Variants in ERCC1 observed in about 807,000 individuals in gnomAD.
The protein encoded by ERCC1 is DNA excision repair protein ERCC-1.
In ERCC1, 36 loss-of-function variants were observed where a neutral mutation model predicts 37.6. That is an observed-to-expected ratio of 0.96 (90% CI 0.73 to 1.26). The LOEUF is 1.26. ERCC1 is among the 50% of genes most tolerant of loss of function. The pLI is 0.00. For missense variants in ERCC1, 349 were observed against 376.5 expected, an observed-to-expected ratio of 0.93 and a Z score of 0.60; for synonymous variants, 156 against 162.1, an observed-to-expected ratio of 0.96 and a Z score of 0.28.
upstream of ERCC1, among the ~76,000 whole-genome samples, chr19:45,425,024 C>G (rs559861887): frequency 4.1e-5 from 6 of 147,870 alleles, no homozygotes; most frequent in East Asian, 1.2e-3. Context: ...CGGGTTCAAG[C>G]GATTCTCCTG....
intron 1 of ERCC1, among the ~76,000 whole-genome samples, chr19:45,429,370 G>A (rs1214683571): frequency 6.6e-6 from 1 of 152,168 alleles, no homozygotes; most frequent in African/African-American, 2.4e-5. Flanking sequence ...TGAGGCAGGA[G>A]AATCGCTTGA....
chr19:45,445,124 C>T (rs1966902360), intron 1 of ERCC1, among the ~76,000 whole-genome samples: 1 of 152,180 alleles, frequency 6.6e-6, no homozygotes, highest in African/African-American at 2.4e-5. Flanking sequence ...TCAAGCAATT[C>T]TCCTGCCTCA....
rs1482664125 is a variant in ERCC1 at position 45,421,195 on chromosome 19, T to C, written c.304A>G (p.Ile102Val). 1.9e-6 allele frequency: 3 copies of C among 1,614,120 alleles called. No homozygotes were observed. The highest frequency in any genetic ancestry group is 2.5e-6 in the Non-Finnish European group (3 of 1,179,994). The change falls in exon 3 of 10, where the codon ATT becomes GTT. Residue 102 changes from isoleucine to valine, a missense_variant. Transcript: ENST00000300853. ...LKPGAKSNSIIVSPRQRGNPV... is the reference protein window; with the variant it reads ...LKPGAKSNSIVVSPRQRGNPV... ...CTCCTCACCTGCCGAGGGCTCACAA[T>C]GATGCTGTTGGATTTTGCCCCGGGT...
In ERCC1 at chr19:45,409,465, C is replaced by A; in HGVS notation, c.*210G>T. On this transcript the variant is annotated 3_prime_UTR_variant, in exon 10 of 10. Transcript: ENST00000300853. ...GGGAGGAGGCTCCCACAGGCCGGGA[C>A]AAGAAGCGGAAGCAGCAGCAGCAGC... The A allele has an allele frequency of 3.7e-6, 6 of 1,612,218 alleles. No individual in the cohort carries two copies. Among genetic ancestry groups the A allele is most frequent in the Non-Finnish European group, 4.2e-6 (5 of 1,179,666 alleles).
upstream of ERCC1, among the ~76,000 whole-genome samples, chr19:45,427,484 G>A (rs556218165): frequency 3.3e-5 from 5 of 152,054 alleles, no homozygotes; most frequent in African/African-American, 7.2e-5. Flanking sequence ...GCGTGGTGGC[G>A]GACGCCTGTA....
chr19:45,421,408 G>C lies in ERCC1; in HGVS notation c.106-15C>G. ...AAGGGCTTGGCCTGTGGGGAGAAAG[G>C]GAGTTTGCAGGGGACTGGTTGGGGT... On this transcript the variant is annotated splice_polypyrimidine_tract_variant and intron_variant, in intron 2 of 9. Transcript: ENST00000300853. 1 of 1,581,372 alleles carries C rather than the reference G, an allele frequency of 6.3e-7. No homozygotes were observed. Among genetic ancestry groups the C allele is most frequent in the Non-Finnish European group, 8.6e-7 (1 of 1,156,494 alleles).
chr19:45,433,688 TAAA>T (rs529620736), intron 1 of ERCC1, among the ~76,000 whole-genome samples: 1 of 133,266 alleles, frequency 7.5e-6, no homozygotes, highest in Non-Finnish European at 1.6e-5. Context: ...ACTCTGTCTT[TAAA>T]AAAAAAAAAA....
At chr19:45,436,491 TG>T (rs1974980992) in intron 1 of ERCC1, among the ~76,000 whole-genome samples, 1 of 152,012 alleles carries the variant, frequency 6.6e-6, no homozygotes, top group African/African-American at 2.4e-5. Flanking sequence ...CCGGGCATGG[TG>T]GCGGGCGCCT....
At position 45,423,810 on chromosome 19, in the gene ERCC1, C is replaced by T; in HGVS notation, c.-37G>A. The T allele has an allele frequency of 3.6e-6, 4 of 1,126,132 alleles. No individual in the cohort carries two copies. The highest frequency in any genetic ancestry group is 4.4e-6 in the Non-Finnish European group (4 of 912,766). 69.8% of individuals were successfully genotyped at this position (1,126,132 alleles called of 1,614,324 possible). ...GGTCCGGGCCTCACGGTTTCAGCGC[C>T]GCGAGGCCTCACCTGCTGGTCTTGG... On this transcript the variant is annotated 5_prime_UTR_variant, in exon 1 of 10. Coordinates refer to ENST00000300853, the MANE Select transcript of ERCC1 (RefSeq NM_001983.4).
At position 45,414,875 on chromosome 19, in the gene ERCC1, C is replaced by A. The variant is rs758991144; in HGVS notation, c.688G>T (p.Asp230Tyr). The change falls in exon 7 of 10, where the codon GAC becomes TAC. Residue 230 changes from aspartate to tyrosine, a missense_variant. Transcript: ENST00000300853. ...GGTGGCCTCACCCGGGAGACGAAGT[C>A]CTGCTCTAGCTTCTCCATCAGGAGG... ...ADLLMEKLEQDFVSRVTECLT... is the reference protein window; with the variant it reads ...ADLLMEKLEQYFVSRVTECLT... 6.2e-7 allele frequency: 1 copy of A among 1,613,270 alleles called. No individual in the cohort carries two copies. Among genetic ancestry groups the A allele is most frequent in the East Asian group, 2.2e-5 (1 of 44,870 alleles).
chr19:45,409,978 G>A (rs1445904603), intron 9 of ERCC1: 45 of 173,388 alleles, frequency 2.6e-4, no homozygotes, highest in African/African-American at 1.0e-3. Context: ...TGCAAGCTCC[G>A]CCTCCCGGGT....
At chr19:45,410,598 G>GTGTGTGTGTGTGTGTGTGT (rs1187372053) in intron 9 of ERCC1, 4 of 58,654 alleles carry the variant, frequency 6.8e-5, no homozygotes, top group East Asian at 1.2e-3. Flanking sequence ...TGTGTGTGTG[G>GTGTGTGTGTGTGTGTGTGT]TACCCATTAA....
intron 1 of ERCC1, among the ~76,000 whole-genome samples, chr19:45,444,164 C>T (rs1466273092): frequency 1.3e-5 from 2 of 151,146 alleles, no homozygotes; most frequent in African/African-American, 2.4e-5. Flanking sequence ...GACCCCAATA[C>T]ACTCTCTTGT....
At chr19:45,443,989 C>G (rs1029438662) in intron 1 of ERCC1, among the ~76,000 whole-genome samples, 1 of 150,568 alleles carries the variant, frequency 6.6e-6, no homozygotes, top group Admixed American at 6.6e-5. Context: ...TTCCAGTGTC[C>G]CCGGTCCTTC....
chr19:45,419,294 C>A, intron 4 of ERCC1, 97 bp from the exon 5 acceptor site: 1 of 864,896 alleles, frequency 1.2e-6, no homozygotes, highest in Non-Finnish European at 1.9e-6. Flanking sequence ...GCTCAGAGTA[C>A]GGCATGGGGG....
intron 1 of ERCC1, among the ~76,000 whole-genome samples, chr19:45,436,933 T>C (rs1974995479): frequency 6.6e-6 from 1 of 151,780 alleles, no homozygotes; most frequent in Non-Finnish European, 1.5e-5. Context: ...ATATAGTGGA[T>C]TCCAATATAG....
Position 45,408,461 on chromosome 19 carries a change from T to C in ERCC1, c.*1214A>G, listed in dbSNP as rs1300024741. 4 of 1,613,948 alleles carry C rather than the reference T, an allele frequency of 2.5e-6. No homozygotes were observed. The highest frequency in any genetic ancestry group is 2.5e-6 in the Non-Finnish European group (3 of 1,179,944). ...ACCAGTCACAGGGCCTAGGTCAGCCTTGGCCCCCAACCTGCTCACCTCAGG... is the reference window on the plus strand; with the variant it reads ...ACCAGTCACAGGGCCTAGGTCAGCCCTGGCCCCCAACCTGCTCACCTCAGG... On this transcript the variant is annotated 3_prime_UTR_variant, in exon 10 of 10. Coordinates refer to ENST00000300853, the MANE Select transcript of ERCC1 (RefSeq NM_001983.4).
chr19:45,424,758 T>G (rs1370771162), upstream of ERCC1, among the ~76,000 whole-genome samples: 4 of 152,120 alleles, frequency 2.6e-5, no homozygotes, highest in Admixed American at 2.6e-4. Context: ...TGCAAACATT[T>G]CCTCCTAGTT....
At chr19:45,424,999 T>C (rs1191037472), upstream of ERCC1, among the ~76,000 whole-genome samples, 1 of 148,928 alleles carries the variant, frequency 6.7e-6, no homozygotes, top group Admixed American at 6.8e-5. Context: ...CTCAGTTCAC[T>C]GCACCTCCCC....
Sources: allele counts gnomAD v4.1 joint callset (sites outside exome capture counted in the v4.1 genomes callset), GRCh38; gene constraint gnomAD v4.1.1; transcripts MANE v1.5; gene names NCBI Gene and HGNC (gene_info 2026-07-23, HGNC 2026-07-21).